CMTM4: variants seen among roughly 807,000 people sequenced by gnomAD.
CMTM4 encodes the protein CKLF like MARVEL transmembrane domain containing 4, also known as CKLF-like MARVEL transmembrane domain-containing protein 4.
CMTM4 carries 8 observed loss-of-function variants against 19.0 expected under a neutral mutation model. The observed-to-expected ratio is 0.42, with a 90% confidence interval of 0.25 to 0.76. The LOEUF is 0.76. Among genes scored for constraint, CMTM4 ranks in the 30% least tolerant of loss-of-function variants. CMTM4 has a pLI of 0.27. For synonymous variants in CMTM4, 106 were observed against 121.1 expected, an observed-to-expected ratio of 0.88 and a Z score of 0.82; for missense variants, 228 against 290.2, an observed-to-expected ratio of 0.79 and a Z score of 1.56.
rs1221137322 is a variant in CMTM4 at position 66,618,504 on chromosome 16, C to A, written c.*3554G>T. 1 of 985,376 alleles carries A rather than the reference C, an allele frequency of 1.0e-6. No homozygotes were observed. Among genetic ancestry groups the A allele is most frequent in the East Asian group, 1.1e-4 (1 of 8,830 alleles). The allele number at this position is 985,376 out of a possible 1,614,324, so 61.0% of individuals were successfully genotyped here. ...CAGAAAGGGATTAGACCTCAGTCCA[C>A]CTCTCAGAGCACATGGATAGGTGAC... On this transcript the variant is annotated 3_prime_UTR_variant, in exon 4 of 4. Transcript: ENST00000394106.
intron 1 of CMTM4, among the ~76,000 whole-genome samples, chr16:66,646,134 G>A (rs1475976933): frequency 6.6e-6 from 1 of 152,066 alleles, no homozygotes; most frequent in Non-Finnish European, 1.5e-5. Flanking sequence ...ACAGAGTACA[G>A]CACACAAGGC....
At position 66,617,384 on chromosome 16, in the gene CMTM4, G is replaced by A; in HGVS notation, c.*4674C>T. ...CTAGAAAGGAAAAAAAAATCCCAAA[G>A]GTTGAAAAACTGTATCCAAATGGAA... On this transcript the variant is annotated 3_prime_UTR_variant, in exon 4 of 4. Transcript: ENST00000394106. 6.2e-7 allele frequency: 1 copy of A among 1,609,544 alleles called. No homozygotes were observed. The highest frequency in any genetic ancestry group is 1.1e-5 in the South Asian group (1 of 90,208).
At chr16:66,681,680 G>A (rs1245417335) in intron 1 of CMTM4, among the ~76,000 whole-genome samples, 1 of 152,130 alleles carries the variant, frequency 6.6e-6, no homozygotes, top group Non-Finnish European at 1.5e-5. Context: ...CACATTTCAA[G>A]CGCTCAATAG....
At chr16:66,624,538 G>A (rs185707376) in intron 2 of CMTM4, among the ~76,000 whole-genome samples, 1 of 152,246 alleles carries the variant, frequency 6.6e-6, no homozygotes, top group Non-Finnish European at 1.5e-5. Flanking sequence ...AGGCTGAGGC[G>A]GATGGATCAC....
chr16:66,610,212 G>C (rs1336005041), downstream of CMTM4, among the ~76,000 whole-genome samples: 1 of 152,164 alleles, frequency 6.6e-6, no homozygotes, highest in East Asian at 1.9e-4. This position sits in a 1 kb window ranked among gnomAD's most constrained non-coding sequence, Gnocchi z 4.6. Context: ...AGCCTTTCTA[G>C]GAGGGGCAAG....
the CMTM4 span, among the ~76,000 whole-genome samples, chr16:66,605,791 G>A: frequency 6.6e-6 from 1 of 152,212 alleles, no homozygotes; most frequent in East Asian, 1.9e-4. This position sits in a 1 kb window ranked among gnomAD's most constrained non-coding sequence, Gnocchi z 4.6. Context: ...CAGGAGGGTG[G>A]GGGCAGGAGG....
At chr16:66,680,645 G>C (rs1317677410) in intron 1 of CMTM4, among the ~76,000 whole-genome samples, 1 of 151,232 alleles carries the variant, frequency 6.6e-6, no homozygotes, top group African/African-American at 2.4e-5. Flanking sequence ...GTGGTGGCGG[G>C]CACCTGTAGT....
At chr16:66,665,259 T>G (rs537707717) in intron 1 of CMTM4, among the ~76,000 whole-genome samples, 7 of 88,140 alleles carry the variant, frequency 7.9e-5, no homozygotes, top group African/African-American at 1.6e-4. Flanking sequence ...AGACCCTGTT[T>G]CTTAAAAAAA....
At chr16:66,648,614 C>T (rs1047946727) in intron 1 of CMTM4, among the ~76,000 whole-genome samples, 18 of 151,608 alleles carry the variant, frequency 1.2e-4, no homozygotes, top group African/African-American at 3.9e-4. Flanking sequence ...GCCGAGATCA[C>T]GCCATTGCAC....
chr16:66,676,837 C>G (rs576178712), intron 1 of CMTM4, among the ~76,000 whole-genome samples: 6 of 152,304 alleles, frequency 3.9e-5, no homozygotes, highest in African/African-American at 1.4e-4. Flanking sequence ...AAACTTACTA[C>G]AGTAGAACAT....
downstream of CMTM4, chr16:66,612,747 G>A (rs903625941): frequency 2.1e-5 from 23 of 1,087,156 alleles, no homozygotes; most frequent in Non-Finnish European, 2.7e-5. The surrounding 1 kb of genome is among the most constrained non-coding windows in gnomAD (Gnocchi z 6.0). Flanking sequence ...TGCAGAGGGG[G>A]CTGCGGACAC....
In CMTM4 at chr16:66,622,266, G is replaced by A; in HGVS notation, c.463-44C>T. 1 of 1,596,718 alleles carries A rather than the reference G, an allele frequency of 6.3e-7. No individual in the cohort carries two copies. The highest frequency in any genetic ancestry group is 8.5e-7 in the Non-Finnish European group (1 of 1,171,518). On this transcript the variant is annotated intron_variant, in intron 3 of 3. Coordinates refer to ENST00000394106, the MANE Select transcript of CMTM4 (RefSeq NM_181521.3). The surrounding 1 kb of genome is among the most constrained non-coding windows in gnomAD (Gnocchi z 4.0). ...AGTTAGTCCTCGGGCACGTGGCCTG[G>A]CCCCTCAAGGCTTCTGTGGTGACCC...
intron 2 of CMTM4, among the ~76,000 whole-genome samples, chr16:66,625,829 T>C (rs1351259492): frequency 2.0e-5 from 3 of 152,244 alleles, no homozygotes; most frequent in Admixed American, 2.0e-4. Flanking sequence ...ACTAGCCATA[T>C]GTGACTGAAG....
At chr16:66,604,571 G>C in the CMTM4 span, 1 of 324,986 alleles carries the variant, frequency 3.1e-6, no homozygotes, top group South Asian at 1.5e-4. Context: ...GTCTGCGGAG[G>C]CCCCAGGCCG....
chr16:66,677,751 C>T (rs908436345), intron 1 of CMTM4, among the ~76,000 whole-genome samples: 3 of 151,798 alleles, frequency 2.0e-5, no homozygotes, highest in Non-Finnish European at 4.4e-5. Flanking sequence ...GCCCAGGCTA[C>T]AGTGCAATGG....
At chr16:66,608,201 T>C in the CMTM4 span, 4 of 1,256,454 alleles carry the variant, frequency 3.2e-6, no homozygotes, top group South Asian at 5.5e-5. The surrounding 1 kb of genome is among the most constrained non-coding windows in gnomAD (Gnocchi z 5.1). Context: ...AGCAGTTGGC[T>C]TCCCCTGCTG....
In CMTM4 at chr16:66,619,010, A is replaced by T. The variant is rs2144774320; in HGVS notation, c.*3048T>A. The T allele has an allele frequency of 6.1e-6, 6 of 985,482 alleles. No individual in the cohort carries two copies. Among genetic ancestry groups the T allele is most frequent in the Middle Eastern group, 5.2e-4 (1 of 1,914 alleles). 61.0% of individuals were successfully genotyped at this position (985,482 alleles called of 1,614,324 possible). On this transcript the variant is annotated 3_prime_UTR_variant, in exon 4 of 4. Transcript: ENST00000394106. Reference sequence around the variant, plus strand: ...GCTGCCACATTCTTGCTTTTTCTGTAGACAAAAGTCACCTCCCTCGGATGG... The same window carrying T: ...GCTGCCACATTCTTGCTTTTTCTGTTGACAAAAGTCACCTCCCTCGGATGG...
the CMTM4 span, among the ~76,000 whole-genome samples, chr16:66,601,642 C>A: frequency 6.6e-6 from 1 of 152,256 alleles, no homozygotes; most frequent in Non-Finnish European, 1.5e-5. Flanking sequence ...GACTTGCCCC[C>A]TTCCACCCAG....
chr16:66,689,581 AT>A (rs1255750185), intron 1 of CMTM4, among the ~76,000 whole-genome samples: 1 of 151,854 alleles, frequency 6.6e-6, no homozygotes, highest in Non-Finnish European at 1.5e-5. Context: ...TAATTTTTGT[AT>A]TTTTTGTAGA....
Sources: allele counts gnomAD v4.1 joint callset (sites outside exome capture counted in the v4.1 genomes callset), GRCh38; gene constraint gnomAD v4.1.1; non-coding constraint Gnocchi (gnomAD v3.1); transcripts MANE v1.5; gene names NCBI Gene and HGNC (gene_info 2026-07-23, HGNC 2026-07-21).